The following LRIG2 variants were observed in gnomAD, a reference collection of about 807,000 sequenced individuals.
The protein encoded by LRIG2 is leucine-rich repeats and immunoglobulin-like domains protein 2.
A neutral mutation model predicts 107.8 loss-of-function variants in LRIG2; 93 were observed. That is an observed-to-expected ratio of 0.86 (90% confidence interval 0.73 to 1.03). The LOEUF (loss-of-function observed/expected upper bound fraction) is 1.03. Ranked by LOEUF, LRIG2 falls within the 50% of genes least tolerant of loss-of-function variation. The pLI is 0.00. For synonymous variants in LRIG2, 471 were observed against 470.6 expected (o/e 1.00, Z -0.01); for missense variants, 1,226 against 1,296.0 (o/e 0.95, Z 0.83).
chr1:113,082,209 G>C (rs938159923), intron 1 of LRIG2, among the ~76,000 whole-genome samples: 1 of 152,220 alleles, frequency 6.6e-6, no homozygotes, highest in East Asian at 1.9e-4. Flanking sequence ...ATCTGGGGAA[G>C]TGGTAAACAG....
chr1:113,121,122 A>C (rs778166150), intron 17 of LRIG2, among the ~76,000 whole-genome samples: 1 of 152,086 alleles, frequency 6.6e-6, no homozygotes, highest in Non-Finnish European at 1.5e-5. Context: ...GGCTGAGAAG[A>C]GTTTTAAATG....
intron 15 of LRIG2, among the ~76,000 whole-genome samples, chr1:113,115,494 A>G (rs1654965527): frequency 6.6e-6 from 1 of 151,226 alleles, no homozygotes. Context: ...TACAGGCATG[A>G]GCCACTGCGT....
At chr1:113,090,246 G>A (rs1024398261) in intron 1 of LRIG2, among the ~76,000 whole-genome samples, 1 of 152,098 alleles carries the variant, frequency 6.6e-6, no homozygotes, top group African/African-American at 2.4e-5. Flanking sequence ...GTAAAAATTT[G>A]CTGTACATGC....
At chr1:113,090,506 T>C (rs914285955) in intron 1 of LRIG2, among the ~76,000 whole-genome samples, 2 of 152,090 alleles carry the variant, frequency 1.3e-5, no homozygotes, top group Non-Finnish European at 2.9e-5. Context: ...TCTATACTAC[T>C]CAAATTGACA....
chr1:113,091,479 A>T lies in LRIG2; in HGVS notation c.305+96A>T, dbSNP rs111704512. On this transcript the variant is annotated intron_variant, in intron 2 of 17. Transcript: ENST00000361127. ...ATGTTTAATCCAGAGATGCCATAAA[A>T]AAATTGAAGGAAAAAATTAGTTAAA... 2.2e-5 allele frequency: 16 copies of T among 720,304 alleles called. 1 individual carries two copies. The highest frequency in any genetic ancestry group is 7.5e-5 in the African/African-American group (4 of 53,400). The allele number at this position is 720,304 out of a possible 1,614,324, so 44.6% of individuals were successfully genotyped here.
intron 1 of LRIG2, 85 bp downstream of exon 1, chr1:113,073,730 T>C: frequency 7.8e-7 from 1 of 1,280,712 alleles, no homozygotes; most frequent in Non-Finnish European, 1.1e-6. Flanking sequence ...ACAGGCCTGG[T>C]CGGAGGGTGT....
rs1478414054 is a variant in LRIG2 at position 113,100,438 on chromosome 1, T to G, written c.1263T>G (p.Ala421=). ...SLEHLDLNNN[A]IMSIQENAFS... is the part of the protein sequence containing the mutation. Reference sequence around the variant, plus strand: ...ATTTCAGAGATTTGAACAATAATGCTATAATGTCTATCCAAGAAAATGCTT... The same window carrying G: ...ATTTCAGAGATTTGAACAATAATGCGATAATGTCTATCCAAGAAAATGCTT... Residue 421 remains alanine (A), a synonymous_variant, in exon 11 of 18, where the codon GCT becomes GCG. Transcript: ENST00000361127. 1.3e-6 allele frequency: 2 copies of G among 1,538,494 alleles called. No homozygotes were observed. Among genetic ancestry groups the G allele is most frequent in the South Asian group, 2.3e-5 (2 of 88,034 alleles).
chr1:113,089,624 T>G (rs1653702013), intron 1 of LRIG2, among the ~76,000 whole-genome samples: 1 of 151,590 alleles, frequency 6.6e-6, no homozygotes, highest in Admixed American at 6.6e-5. Context: ...GCCGTCATTA[T>G]TATTAACATA....
chr1:113,122,117 C>CT (rs1259487200), intron 17 of LRIG2, among the ~76,000 whole-genome samples: 1 of 124,118 alleles, frequency 8.1e-6, no homozygotes, highest in East Asian at 2.7e-4. Context: ...GAGTCTCGCT[C>CT]TGTCGCCCAG....
intron 8 of LRIG2, among the ~76,000 whole-genome samples, chr1:113,096,604 C>T (rs1341101331): frequency 3.3e-5 from 5 of 152,170 alleles, no homozygotes; most frequent in Non-Finnish European, 7.4e-5. Flanking sequence ...AGCATCAAAG[C>T]ATGTCTTATT....
At chr1:113,074,888 A>G (rs564667615) in intron 1 of LRIG2, among the ~76,000 whole-genome samples, 1 of 124,226 alleles carries the variant, frequency 8.0e-6, no homozygotes, top group African/African-American at 3.0e-5. Flanking sequence ...CAGCCTGAAA[A>G]CAGAGCGAGA....
In LRIG2 at chr1:113,093,232, A is replaced by C. The variant is rs753960832; in HGVS notation, c.332A>C (p.Glu111Ala). Residue 111 changes from glutamate to alanine, a missense_variant, in exon 3 of 18, where the codon GAA becomes GCA. Coordinates refer to ENST00000361127, the MANE Select transcript of LRIG2 (RefSeq NM_014813.3). ...EVKMNYNELTEIPYFGEPTSN... is the reference protein window; with the variant it reads ...EVKMNYNELTAIPYFGEPTSN... ...AAAATGAATTACAATGAACTAACAGAAATCCCGTATTTTGGAGAACCTACA... is the reference window on the plus strand; with the variant it reads ...AAAATGAATTACAATGAACTAACAGCAATCCCGTATTTTGGAGAACCTACA... 6.3e-7 allele frequency: 1 copy of C among 1,598,972 alleles called. No homozygotes were observed. Among genetic ancestry groups the C allele is most frequent in the Non-Finnish European group, 8.5e-7 (1 of 1,171,896 alleles).
chr1:113,114,977 C>G, intron 15 of LRIG2, 101 bp downstream of exon 15: 1 of 1,008,310 alleles, frequency 9.9e-7, no homozygotes, highest in Non-Finnish European at 1.4e-6. Flanking sequence ...GTCATAGTAG[C>G]ACATGCCTGT....
At chr1:113,084,026 TA>T (rs1557898214) in intron 1 of LRIG2, among the ~76,000 whole-genome samples, 29 of 141,790 alleles carry the variant, frequency 2.0e-4, no homozygotes, top group South Asian at 4.8e-4. Context: ...ATAATAATAA[TA>T]ATAATAATAA....
chr1:113,087,281 T>C (rs1175462207), intron 1 of LRIG2, among the ~76,000 whole-genome samples: 1 of 152,260 alleles, frequency 6.6e-6, no homozygotes, highest in Non-Finnish European at 1.5e-5. Context: ...ATTTTTAAAA[T>C]CATCCAAATC....
chr1:113,084,751 T>C (rs1319959240), intron 1 of LRIG2, among the ~76,000 whole-genome samples: 1 of 152,222 alleles, frequency 6.6e-6, no homozygotes, highest in Non-Finnish European at 1.5e-5. Flanking sequence ...CTTTATTCTT[T>C]AAAGGTCTTT....
At chr1:113,078,935 C>T (rs551942981) in intron 1 of LRIG2, among the ~76,000 whole-genome samples, 5 of 152,116 alleles carry the variant, frequency 3.3e-5, no homozygotes, top group Non-Finnish European at 5.9e-5. Flanking sequence ...CCACCACAAC[C>T]GGCCAGAGGA....
In LRIG2 at chr1:113,073,643, C is replaced by T. The variant is rs570774054; in HGVS notation, c.237C>T (p.Ile79=). Residue 79 remains isoleucine, a splice_region_variant and synonymous_variant, in exon 1 of 18, where the codon ATC becomes ATT. Transcript: ENST00000361127. The part of the protein sequence containing the change: ...LSGLLPPDTA[I]LDFSHNRLSN... ...GCTTGCTGCCCCCCGACACCGCTATCCTGTGAGTAGAGCGGCCAGGCAGAG... is the reference window on the plus strand; with the variant it reads ...GCTTGCTGCCCCCCGACACCGCTATTCTGTGAGTAGAGCGGCCAGGCAGAG... 16 of 1,610,832 alleles carry T rather than the reference C, an allele frequency of 9.9e-6. No individual in the cohort carries two copies. The East Asian group carries it at 3.6e-4, about 36-fold the overall frequency.
chr1:113,094,862 A>G (rs960118006), intron 6 of LRIG2, 107 bp downstream of exon 6: 64 of 1,060,402 alleles, frequency 6.0e-5, no homozygotes, highest in Non-Finnish European at 8.3e-5. Flanking sequence ...ACATTCATTC[A>G]TTCCCTGGTC....
Sources: gnomAD v4.1 joint callset for allele counts (sites outside exome capture counted in the v4.1 genomes callset) on GRCh38, gnomAD v4.1.1 for gene constraint, MANE v1.5 for transcripts, NCBI Gene and HGNC (gene_info 2026-07-23, HGNC 2026-07-21) for gene names.